The following CDH18 variants were observed in gnomAD, a reference collection of about 807,000 sequenced individuals.
The protein encoded by CDH18 is cadherin 18, also known as cadherin-18.
In CDH18, 31 loss-of-function variants were observed where a neutral mutation model predicts 67.9. The ratio of observed to expected loss-of-function variants is 0.46; its 90% confidence interval spans 0.34 to 0.62. CDH18 has a LOEUF of 0.62. Ranked by LOEUF, CDH18 falls within the 20% of genes least tolerant of loss-of-function variation. The pLI is 0.01. For missense variants in CDH18, 890 were observed against 975.5 expected (o/e 0.91, Z 1.17); for synonymous variants, 362 against 347.2 (o/e 1.04, Z -0.48).
intron 2 of CDH18, among the ~76,000 whole-genome samples, chr5:20,208,799 A>G (rs564266191): frequency 6.6e-6 from 1 of 152,198 alleles, no homozygotes; most frequent in Non-Finnish European, 1.5e-5. Context: ...AGAAAATGGG[A>G]AAAAATATAC....
At chr5:19,997,101 G>A (rs1273775528) in intron 2 of CDH18, among the ~76,000 whole-genome samples, 1 of 151,932 alleles carries the variant, frequency 6.6e-6, no homozygotes, top group African/African-American at 2.4e-5. Flanking sequence ...TCAATGAGTT[G>A]ATAAAGCATT....
chr5:20,505,097 T>TA (rs35419542), intron 1 of CDH18, among the ~76,000 whole-genome samples: 71,820 of 150,888 alleles, frequency 0.48, 17,241 homozygotes, highest in East Asian at 0.56. Flanking sequence ...AAGTTACTAG[T>TA]AAAAAAAAAT....
intron 1 of CDH18, among the ~76,000 whole-genome samples, chr5:20,466,873 C>T (rs762516092): frequency 6.6e-6 from 1 of 152,030 alleles, no homozygotes; most frequent in Non-Finnish European, 1.5e-5. Context: ...TTACCACTTA[C>T]TTAATGGAAA....
chr5:20,437,569 T>G (rs1281497940), intron 1 of CDH18, among the ~76,000 whole-genome samples: 2 of 151,330 alleles, frequency 1.3e-5, no homozygotes, highest in East Asian at 3.9e-4. Flanking sequence ...AAACTGATAT[T>G]TTCAATTTCA....
rs1795886726 is a variant in CDH18, at chr5:19,952,417, G to C, written c.-257+28643C>G. On this transcript the variant is annotated intron_variant, in intron 2 of 12. Coordinates refer to ENST00000382275, the MANE Select transcript of CDH18 (RefSeq NM_004934.5). ...CCTAATAACTCTGCTTCCTAGGTTAGTGAGTGTTCCAAGAGTCTGGTTAAC... is the reference window on the plus strand; with the variant it reads ...CCTAATAACTCTGCTTCCTAGGTTACTGAGTGTTCCAAGAGTCTGGTTAAC... Among the ~76,000 whole-genome samples, 4 of 152,166 alleles carry C rather than the reference G, an allele frequency of 2.6e-5. No homozygotes were observed. The South Asian group carries it at 8.3e-4, about 31-fold the overall frequency.
intron 2 of CDH18, among the ~76,000 whole-genome samples, chr5:19,890,608 T>TG (rs879873506): frequency 7.3e-6 from 1 of 137,758 alleles, no homozygotes; most frequent in Non-Finnish European, 1.7e-5. Flanking sequence ...TTTTTTTTTT[T>TG]TTTTGAGACA....
chr5:20,535,570 T>C (rs1346977259), intron 1 of CDH18, among the ~76,000 whole-genome samples: 2 of 152,098 alleles, frequency 1.3e-5, no homozygotes, highest in African/African-American at 4.8e-5. Context: ...GGAAATTAGA[T>C]TTTTTTGTGT....
intron 2 of CDH18, among the ~76,000 whole-genome samples, chr5:20,131,046 T>G (rs1270884842): frequency 6.6e-6 from 1 of 152,080 alleles, no homozygotes; most frequent in Non-Finnish European, 1.5e-5. Flanking sequence ...AAAACAAAAA[T>G]CACTTCATAT....
At chr5:20,172,235 T>C (rs1476667764) in intron 2 of CDH18, among the ~76,000 whole-genome samples, 14 of 128,654 alleles carry the variant, frequency 1.1e-4, no homozygotes, top group African/African-American at 4.4e-4. Flanking sequence ...TATATATATA[T>C]ATATGTATAT....
At chr5:19,993,900 C>T (rs948022768) in intron 2 of CDH18, among the ~76,000 whole-genome samples, 2 of 152,032 alleles carry the variant, frequency 1.3e-5, no homozygotes, top group Non-Finnish European at 2.9e-5. Context: ...TGTTTAGTTC[C>T]AGATACTGTG....
At chr5:20,447,575 T>C (rs1004236938) in intron 1 of CDH18, among the ~76,000 whole-genome samples, 2 of 152,200 alleles carry the variant, frequency 1.3e-5, no homozygotes, top group Non-Finnish European at 2.9e-5. Flanking sequence ...AATATGCCTC[T>C]GTTTTCTAGA....
At chr5:19,934,171 C>T (rs1020519580) in intron 2 of CDH18, among the ~76,000 whole-genome samples, 1 of 146,508 alleles carries the variant, frequency 6.8e-6, no homozygotes, top group Non-Finnish European at 1.5e-5. Context: ...AAGAAGGAAA[C>T]AAAAGACAGA....
intron 2 of CDH18, among the ~76,000 whole-genome samples, chr5:20,099,387 C>T (rs2060533): frequency 0.81 from 122,887 of 152,138 alleles, 51,256 homozygotes; most frequent in Non-Finnish European, 0.91. Flanking sequence ...AGTTTAGTGC[C>T]TATTGCTAGA....
At chr5:19,673,093 C>T (rs528985857) in intron 5 of CDH18, among the ~76,000 whole-genome samples, 3 of 151,984 alleles carry the variant, frequency 2.0e-5, no homozygotes, top group South Asian at 4.1e-4. Context: ...TAGTGAATTA[C>T]TTTTTTTCTG....
At chr5:20,212,153 A>C (rs1184492259) in intron 2 of CDH18, among the ~76,000 whole-genome samples, 4 of 152,174 alleles carry the variant, frequency 2.6e-5, no homozygotes, top group Admixed American at 1.3e-4. Flanking sequence ...TCAGTAGCTG[A>C]TTCGATCAAC....
chr5:19,606,083 G>A (rs1747990115), intron 6 of CDH18, among the ~76,000 whole-genome samples: 1 of 151,670 alleles, frequency 6.6e-6, no homozygotes, highest in African/African-American at 2.4e-5. Context: ...GACCAGTGGA[G>A]AGTAAGTAAA....
At chr5:20,566,526 ATTTTTTT>A (rs33950954) in intron 1 of CDH18, among the ~76,000 whole-genome samples, 4 of 97,376 alleles carry the variant, frequency 4.1e-5, no homozygotes, top group African/African-American at 1.6e-4. Flanking sequence ...TGCCCAGCTA[ATTTTTTT>A]TTTTTTTTTT....
intron 1 of CDH18, among the ~76,000 whole-genome samples, chr5:20,407,876 T>C (rs977425854): frequency 2.6e-5 from 4 of 151,864 alleles, no homozygotes; most frequent in Non-Finnish European, 5.9e-5. Flanking sequence ...CTAATCCCAA[T>C]GAAGAAATGA....
At chr5:19,902,525 AGT>A (rs1790050200) in intron 2 of CDH18, among the ~76,000 whole-genome samples, 1 of 151,630 alleles carries the variant, frequency 6.6e-6, no homozygotes, top group Non-Finnish European at 1.5e-5. Context: ...AAACCGTGTG[AGT>A]GTACTTGGAA....
Sources: allele counts gnomAD v4.1 joint callset (sites outside exome capture counted in the v4.1 genomes callset), GRCh38; gene constraint gnomAD v4.1.1; transcripts MANE v1.5; gene names NCBI Gene and HGNC (gene_info 2026-07-23, HGNC 2026-07-21).